The following SV2C variants were observed in gnomAD, a reference collection of about 807,000 sequenced individuals.
The protein encoded by SV2C is synaptic vesicle glycoprotein 2C.
A neutral mutation model predicts 79.7 loss-of-function variants in SV2C; 49 were observed. The observed-to-expected ratio is 0.61, with a 90% CI of 0.49 to 0.78. The LOEUF (loss-of-function observed/expected upper bound fraction) is 0.78, where lower values mean the gene tolerates loss of function less well. Ranked by LOEUF, SV2C falls within the 30% of genes least tolerant of loss-of-function variation. The pLI, the probability that SV2C is intolerant of heterozygous loss-of-function variation, is 0.00. For missense variants in SV2C, 833 were observed against 912.9 expected, an observed-to-expected ratio of 0.91 and a Z score of 1.13; for synonymous variants, 334 against 333.2, an observed-to-expected ratio of 1.00 and a Z score of -0.03.
At chr5:76,343,583 A>T (rs1174396978) in intron 12 of SV2C, among the ~76,000 whole-genome samples, 1 of 152,204 alleles carries the variant, frequency 6.6e-6, no homozygotes, top group Non-Finnish European at 1.5e-5. Context: ...GACAAGGAGC[A>T]CTCACCAAGG....
chr5:76,191,419 G>T lies in SV2C; in HGVS notation c.581-3500G>T, dbSNP rs373236503. On this transcript the variant is annotated intron_variant, in intron 2 of 12. Transcript: ENST00000502798. ...ATGGTGCAAGGAATTCTAGAGTAAT[G>T]CATTAGCCATGCATTACTGAAGTGC... Among the ~76,000 whole-genome samples the T allele has an allele frequency of 3.3e-5, 5 of 152,174 alleles. No homozygotes were observed. In the East Asian group the frequency reaches 5.8e-4, roughly 18 times the overall value.
chr5:75,899,529 A>C, the SV2C span, among the ~76,000 whole-genome samples: 5 of 152,016 alleles, frequency 3.3e-5, no homozygotes, highest in Admixed American at 6.5e-5. Flanking sequence ...GTGCTGAAAA[A>C]AATGTATATT....
At chr5:76,162,753 T>C (rs1274449009) in intron 2 of SV2C, among the ~76,000 whole-genome samples, 1 of 152,220 alleles carries the variant, frequency 6.6e-6, no homozygotes, top group East Asian at 1.9e-4. Flanking sequence ...TCATGGGACA[T>C]GAAAACTGAC....
At chr5:76,059,371 A>C in the SV2C span, among the ~76,000 whole-genome samples, 6 of 152,098 alleles carry the variant, frequency 3.9e-5, no homozygotes, top group Non-Finnish European at 8.8e-5. Context: ...AACTGAGGCA[A>C]ATTCTCTCAA....
At chr5:75,998,895 T>G in the SV2C span, among the ~76,000 whole-genome samples, 1 of 152,082 alleles carries the variant, frequency 6.6e-6, no homozygotes, top group Non-Finnish European at 1.5e-5. Context: ...TATATTTGTG[T>G]ATTAGTCCAT....
intron 1 of SV2C, among the ~76,000 whole-genome samples, chr5:76,086,647 G>A (rs55692449): frequency 0.023 from 3,441 of 151,106 alleles, 137 homozygotes; most frequent in African/African-American, 0.081. Flanking sequence ...GGCATATATA[G>A]TTTTGATGCA....
At chr5:76,348,850 AT>A (rs1241513606) in intron 12 of SV2C, among the ~76,000 whole-genome samples, 2 of 152,078 alleles carry the variant, frequency 1.3e-5, no homozygotes, top group Non-Finnish European at 2.9e-5. Flanking sequence ...AATACAAAAA[AT>A]TATCTGGGCG....
intron 4 of SV2C, among the ~76,000 whole-genome samples, chr5:76,236,180 G>C (rs1186957436): frequency 6.6e-6 from 1 of 152,188 alleles, no homozygotes; most frequent in Non-Finnish European, 1.5e-5. Context: ...TGGCACAATG[G>C]ATAGCACGTA....
At chr5:76,140,012 A>G in intron 2 of SV2C, among the ~76,000 whole-genome samples, 1 of 152,246 alleles carries the variant, frequency 6.6e-6, no homozygotes, top group Non-Finnish European at 1.5e-5. Flanking sequence ...ATAAATATAG[A>G]TATTTACAAA....
chr5:76,085,212 A>C (rs938678871), intron 1 of SV2C, among the ~76,000 whole-genome samples: 1 of 152,150 alleles, frequency 6.6e-6, no homozygotes, highest in Non-Finnish European at 1.5e-5. Flanking sequence ...CTAGGTGTTG[A>C]GGTTCGTGAG....
chr5:75,890,225 T>C, the SV2C span, among the ~76,000 whole-genome samples: 1 of 152,142 alleles, frequency 6.6e-6, no homozygotes, highest in Non-Finnish European at 1.5e-5. Flanking sequence ...CCACTGTTCT[T>C]TCATTTGCCT....
At chr5:75,935,664 C>G in the SV2C span, among the ~76,000 whole-genome samples, 1 of 152,090 alleles carries the variant, frequency 6.6e-6, no homozygotes, top group Admixed American at 6.6e-5. Context: ...ATTGAAAAAG[C>G]AAGTTGCGAA....
At chr5:75,996,151 T>C in the SV2C span, among the ~76,000 whole-genome samples, 2 of 152,192 alleles carry the variant, frequency 1.3e-5, no homozygotes, top group East Asian at 3.9e-4. Context: ...CATCTTGAAT[T>C]AATTTTTGTA....
chr5:75,938,902 G>A, the SV2C span, among the ~76,000 whole-genome samples: 5,502 of 152,190 alleles, frequency 0.036, 327 homozygotes, highest in African/African-American at 0.13. Flanking sequence ...TAGAGTAACA[G>A]TACTCACTTC....
intron 4 of SV2C, among the ~76,000 whole-genome samples, chr5:76,227,199 T>C (rs1745277931): frequency 6.6e-6 from 1 of 152,204 alleles, no homozygotes; most frequent in Non-Finnish European, 1.5e-5. Context: ...CATGACGGCC[T>C]GTACTGCACA....
At chr5:76,183,489 T>G (rs1188476631) in intron 2 of SV2C, among the ~76,000 whole-genome samples, 1 of 152,070 alleles carries the variant, frequency 6.6e-6, no homozygotes, top group Non-Finnish European at 1.5e-5. Context: ...ATGACAAATA[T>G]CCAAAGTATA....
the SV2C span, among the ~76,000 whole-genome samples, chr5:75,885,026 A>C: frequency 6.6e-6 from 1 of 152,312 alleles, no homozygotes; most frequent in South Asian, 2.1e-4. Context: ...TCTGTAATGC[A>C]TTCACGACTC....
At chr5:75,912,753 G>A in the SV2C span, among the ~76,000 whole-genome samples, 1 of 152,142 alleles carries the variant, frequency 6.6e-6, no homozygotes, top group Non-Finnish European at 1.5e-5. Flanking sequence ...TCATGAAGTA[G>A]AGGAGAGGAA....
the SV2C span, among the ~76,000 whole-genome samples, chr5:76,014,217 AAAAG>A: frequency 1.8e-4 from 27 of 151,644 alleles, no homozygotes; most frequent in Admixed American, 7.2e-4. Flanking sequence ...AAAGGAAAAG[AAAAG>A]AAAGAAAGGA....
Sources: gnomAD v4.1 joint callset for allele counts (sites outside exome capture counted in the v4.1 genomes callset) on GRCh38, gnomAD v4.1.1 for gene constraint, MANE v1.5 for transcripts, NCBI Gene and HGNC (gene_info 2026-07-23, HGNC 2026-07-21) for gene names.